UST: variants seen among roughly 807,000 people sequenced by gnomAD.
The protein encoded by UST is chondroitin sulfate 2-O-sulfotransferase.
Under a neutral mutation model 45.6 loss-of-function variants are expected in UST, and 21 were observed. That is an observed-to-expected ratio of 0.46 (90% confidence interval 0.33 to 0.66). UST has a LOEUF of 0.66. Among genes scored for constraint, UST ranks in the 30% least tolerant of loss-of-function variants. The pLI is 0.02. For missense variants in UST, 463 were observed against 512.4 expected (o/e 0.90, Z 0.93); for synonymous variants, 215 against 200.6 (o/e 1.07, Z -0.61).
chr6:149,017,709 C>G (rs187311660), intron 5 of UST, among the ~76,000 whole-genome samples: 74 of 152,168 alleles, frequency 4.9e-4, no homozygotes, highest in Middle Eastern at 3.4e-3. Context: ...CATAATTTCT[C>G]TTAAAACCAA....
At chr6:148,819,359 A>G (rs1356338025) in intron 1 of UST, among the ~76,000 whole-genome samples, 1 of 152,164 alleles carries the variant, frequency 6.6e-6, no homozygotes, top group Non-Finnish European at 1.5e-5. Flanking sequence ...ATTTGACATA[A>G]TGTTCACTGT....
At chr6:148,990,065 A>T (rs571466043) in intron 5 of UST, among the ~76,000 whole-genome samples, 5 of 152,232 alleles carry the variant, frequency 3.3e-5, no homozygotes, top group Non-Finnish European at 5.9e-5. Context: ...GTTCTTTTAA[A>T]TATTTTATTT....
At chr6:148,949,407 T>C (rs1400747217) in intron 3 of UST, among the ~76,000 whole-genome samples, 1 of 109,816 alleles carries the variant, frequency 9.1e-6, no homozygotes, top group Non-Finnish European at 2.0e-5. Context: ...ATAATAATAA[T>C]AATAATAATA....
chr6:148,918,672 C>G (rs79094085), intron 2 of UST, among the ~76,000 whole-genome samples: 4,955 of 152,248 alleles, frequency 0.033, 274 homozygotes, highest in African/African-American at 0.11. Context: ...TTAGGCTCCG[C>G]CAGATGGCTC....
rs1776481621 is a variant in UST at position 148,773,953 on chromosome 6, C to T, written c.247+26276C>T. Among the ~76,000 whole-genome samples the T allele has an allele frequency of 2.0e-5, 3 of 152,214 alleles. No individual in the cohort carries two copies. In the South Asian group the frequency reaches 6.2e-4, roughly 32 times the overall value. Reference sequence around the variant, plus strand: ...CTTGCGGCCCAATTCCCACCAGCTTCCCTCTGTCCTCCCCGACTTTATAAA... The same window carrying T: ...CTTGCGGCCCAATTCCCACCAGCTTTCCTCTGTCCTCCCCGACTTTATAAA... On this transcript the variant is annotated intron_variant, in intron 1 of 7. Transcript: ENST00000367463.
At chr6:148,865,286 G>T (rs540551882) in intron 1 of UST, among the ~76,000 whole-genome samples, 1 of 152,282 alleles carries the variant, frequency 6.6e-6, no homozygotes, top group Non-Finnish European at 1.5e-5. Flanking sequence ...ATGGTCTCTG[G>T]AGTGGAGTAA....
chr6:149,019,450 G>A (rs1775949509), intron 6 of UST, among the ~76,000 whole-genome samples: 1 of 152,150 alleles, frequency 6.6e-6, no homozygotes, highest in Non-Finnish European at 1.5e-5. Context: ...AGAGGCCTCA[G>A]GAGACCACCA....
intron 2 of UST, among the ~76,000 whole-genome samples, chr6:148,925,377 A>C (rs1246970246): frequency 6.6e-6 from 1 of 152,200 alleles, no homozygotes; most frequent in East Asian, 1.9e-4. Flanking sequence ...AACACCTTTA[A>C]AAAGAAAGGG....
At chr6:149,061,132 C>T (rs923423847) in intron 7 of UST, among the ~76,000 whole-genome samples, 15 of 152,002 alleles carry the variant, frequency 9.9e-5, no homozygotes, top group African/African-American at 3.4e-4. Flanking sequence ...TTAACCATCT[C>T]GGAGGTCATA....
At chr6:148,840,263 A>C (rs1205075121) in intron 1 of UST, among the ~76,000 whole-genome samples, 1 of 152,176 alleles carries the variant, frequency 6.6e-6, no homozygotes, top group Admixed American at 6.5e-5. Flanking sequence ...TCTGGTGCTC[A>C]TGCTGGAACC....
chr6:148,784,872 A>G (rs1776707956), intron 1 of UST, among the ~76,000 whole-genome samples: 2 of 152,250 alleles, frequency 1.3e-5, no homozygotes, highest in South Asian at 4.1e-4. Context: ...TAGCAGACTC[A>G]GGAAGAGCAG....
At chr6:148,966,347 T>C (rs921505548) in intron 5 of UST, among the ~76,000 whole-genome samples, 1 of 152,200 alleles carries the variant, frequency 6.6e-6, no homozygotes, top group African/African-American at 2.4e-5. Flanking sequence ...TAATGTCTTC[T>C]CTAATTATCT....
At chr6:148,935,300 A>G (rs2114915530) in intron 2 of UST, among the ~76,000 whole-genome samples, 1 of 152,360 alleles carries the variant, frequency 6.6e-6, no homozygotes, top group South Asian at 2.1e-4. Context: ...TTGGCCATAA[A>G]ATAGAAATCA....
chr6:148,848,277 C>T (rs1222187642), intron 1 of UST, among the ~76,000 whole-genome samples: 1 of 152,084 alleles, frequency 6.6e-6, no homozygotes, highest in Non-Finnish European at 1.5e-5. Context: ...TCTGCCCTGA[C>T]CATGGTATAG....
chr6:148,937,567 T>C (rs1280422457), intron 2 of UST, among the ~76,000 whole-genome samples: 1 of 152,228 alleles, frequency 6.6e-6, no homozygotes, highest in Admixed American at 6.5e-5. Flanking sequence ...AGCCTGCTAC[T>C]GTGCTGATTA....
At chr6:149,037,480 G>A (rs987765254) in intron 7 of UST, among the ~76,000 whole-genome samples, 1 of 152,210 alleles carries the variant, frequency 6.6e-6, no homozygotes, top group Admixed American at 6.5e-5. Flanking sequence ...TGGGGGAGGG[G>A]GTTTTCCCCA....
intron 4 of UST, among the ~76,000 whole-genome samples, chr6:148,955,324 C>A (rs577911791): frequency 2.0e-5 from 3 of 152,328 alleles, no homozygotes; most frequent in Middle Eastern, 6.8e-3. Context: ...GACTTCCCTG[C>A]TATGCAGCAG....
intron 1 of UST, among the ~76,000 whole-genome samples, chr6:148,865,747 G>A (rs567653325): frequency 1.3e-5 from 2 of 151,400 alleles, no homozygotes; most frequent in East Asian, 3.9e-4. Context: ...ATGTGGCTTA[G>A]AGTGTTGAAA....
intron 1 of UST, among the ~76,000 whole-genome samples, chr6:148,750,664 A>G (rs767064968): frequency 6.6e-6 from 1 of 152,174 alleles, no homozygotes; most frequent in Non-Finnish European, 1.5e-5. Context: ...GATCCATCAC[A>G]TTTACATCCA....
Sources: allele counts gnomAD v4.1 joint callset (sites outside exome capture counted in the v4.1 genomes callset), GRCh38; gene constraint gnomAD v4.1.1; transcripts MANE v1.5; gene names NCBI Gene and HGNC (gene_info 2026-07-23, HGNC 2026-07-21).